The following AFF3 variants were observed in gnomAD, a reference collection of about 807,000 sequenced individuals.
The protein encoded by AFF3 is AF4/FMR2 family member 3.
AFF3 carries 32 observed loss-of-function variants against 129.7 expected under a neutral mutation model. The ratio of observed to expected loss-of-function variants is 0.25; its 90% CI spans 0.19 to 0.33. The LOEUF (loss-of-function observed/expected upper bound fraction) is 0.33. Among genes scored for constraint, AFF3 ranks in the 10% least tolerant of loss-of-function variants. The pLI is 1.00. For missense variants in AFF3, 1,373 were observed against 1,592.0 expected (o/e 0.86, Z 2.34); for synonymous variants, 644 against 635.4 (o/e 1.01, Z -0.20).
chr2:99,611,317 T>C (rs1304030403), intron 13 of AFF3, among the ~76,000 whole-genome samples: 1 of 152,190 alleles, frequency 6.6e-6, no homozygotes, highest in Non-Finnish European at 1.5e-5. Context: ...CTGTGGATTG[T>C]CTTTTCTCAT....
chr2:99,660,088 G>A (rs1032792322), intron 12 of AFF3, among the ~76,000 whole-genome samples: 10 of 152,102 alleles, frequency 6.6e-5, no homozygotes, highest in Non-Finnish European at 1.0e-4. Flanking sequence ...TTCCTATTTT[G>A]TTCAGTTTGC....
At chr2:99,608,270 T>C (rs1334155689) in intron 13 of AFF3, among the ~76,000 whole-genome samples, 1 of 152,202 alleles carries the variant, frequency 6.6e-6, no homozygotes, top group African/African-American at 2.4e-5. Flanking sequence ...CTACTCCCTC[T>C]GCAGGACTGA....
intron 2 of AFF3, chr2:100,105,829 G>C (rs1425655010): frequency 7.4e-7 from 1 of 1,344,424 alleles, no homozygotes; most frequent in African/African-American, 1.5e-5. Context: ...AGAATTCCTA[G>C]AGAGCAGCTC....
chr2:99,802,332 C>T (rs1199772729), intron 8 of AFF3, among the ~76,000 whole-genome samples: 2 of 152,172 alleles, frequency 1.3e-5, no homozygotes, highest in Admixed American at 6.5e-5. Flanking sequence ...TTCAAGTGAT[C>T]ATGAAGTCTG....
At chr2:100,028,177 G>GT (rs1308110277) in intron 4 of AFF3, among the ~76,000 whole-genome samples, 1 of 152,160 alleles carries the variant, frequency 6.6e-6, no homozygotes, top group African/African-American at 2.4e-5. Flanking sequence ...GGTGACAGTG[G>GT]TGTCTCCCAG....
chr2:100,106,415 T>C, intron 2 of AFF3: 1 of 1,048,868 alleles, frequency 9.5e-7, no homozygotes, highest in Non-Finnish European at 1.2e-6. Context: ...CAAATCCCAA[T>C]GCACAGTGTA....
intron 10 of AFF3, among the ~76,000 whole-genome samples, chr2:99,735,385 GT>G (rs908847516): frequency 1.8e-4 from 26 of 141,808 alleles, no homozygotes; most frequent in Admixed American, 2.1e-4. Context: ...TTCTGCTTTT[GT>G]TTTTTTTTTG....
chr2:99,720,698 G>GT (rs987341194), intron 11 of AFF3, among the ~76,000 whole-genome samples: 2 of 152,060 alleles, frequency 1.3e-5, no homozygotes, highest in African/African-American at 2.4e-5. Flanking sequence ...GATACCTTCT[G>GT]TTTTTCATTT....
intron 11 of AFF3, among the ~76,000 whole-genome samples, chr2:99,677,719 C>G (rs549249546): frequency 1.1e-4 from 17 of 152,212 alleles, no homozygotes; most frequent in East Asian, 3.9e-4. Context: ...TGCAGTTTGC[C>G]GAGCACTACC....
chr2:100,036,483 C>A (rs1183294779), intron 4 of AFF3, among the ~76,000 whole-genome samples: 3 of 151,400 alleles, frequency 2.0e-5, no homozygotes, highest in African/African-American at 7.3e-5. Context: ...AAATGAATTC[C>A]AATAAATTAA....
intron 7 of AFF3, among the ~76,000 whole-genome samples, chr2:99,937,037 T>C (rs1674583324): frequency 6.6e-6 from 1 of 152,212 alleles, no homozygotes; most frequent in Non-Finnish European, 1.5e-5. Context: ...GTAGGACCTA[T>C]TTCTTGATGG....
At chr2:99,660,020 C>T (rs1287144979) in intron 12 of AFF3, among the ~76,000 whole-genome samples, 4 of 152,136 alleles carry the variant, frequency 2.6e-5, no homozygotes, top group Admixed American at 1.3e-4. Flanking sequence ...GCCAAGATGG[C>T]GATGTCCATT....
chr2:99,891,237 G>T (rs1576288799), intron 7 of AFF3, among the ~76,000 whole-genome samples: 1 of 152,268 alleles, frequency 6.6e-6, no homozygotes, highest in South Asian at 2.1e-4. Context: ...GTCCTGGATT[G>T]ATTAGGGCAG....
chr2:99,601,342 C>T (rs1255159647), intron 14 of AFF3, 93 bp downstream of exon 14: 3 of 1,388,448 alleles, frequency 2.2e-6, no homozygotes, highest in East Asian at 2.7e-5. Flanking sequence ...AGGGAGGAGA[C>T]CTGCAGCAGT....
At chr2:99,565,849 C>T (rs1675911870) in intron 19 of AFF3, among the ~76,000 whole-genome samples, 1 of 152,180 alleles carries the variant, frequency 6.6e-6, no homozygotes, top group Non-Finnish European at 1.5e-5. Context: ...GTATCAAACC[C>T]ATGTGACAGC....
intron 13 of AFF3, among the ~76,000 whole-genome samples, chr2:99,628,308 T>A (rs1682790725): frequency 6.6e-6 from 1 of 152,228 alleles, no homozygotes; most frequent in African/African-American, 2.4e-5. Context: ...CTAGGCATTT[T>A]ATTCTTTTTG....
At chr2:99,923,186 T>C (rs997469945) in intron 7 of AFF3, among the ~76,000 whole-genome samples, 2 of 152,136 alleles carry the variant, frequency 1.3e-5, no homozygotes, top group Admixed American at 6.6e-5. Context: ...CTAGATAAGA[T>C]ACACCGAGGA....
At chr2:99,905,658 G>T (rs998968861) in intron 7 of AFF3, among the ~76,000 whole-genome samples, 4 of 152,144 alleles carry the variant, frequency 2.6e-5, no homozygotes, top group Non-Finnish European at 4.4e-5. Context: ...AACTATAACA[G>T]ATATTCATGA....
chr2:99,769,976 A>G (rs1031149255), intron 8 of AFF3, among the ~76,000 whole-genome samples: 18 of 152,182 alleles, frequency 1.2e-4, no homozygotes, highest in Non-Finnish European at 2.2e-4. Flanking sequence ...AGTCTTACCC[A>G]AGGCCACTCC....
Sources: gnomAD v4.1 joint callset for allele counts (sites outside exome capture counted in the v4.1 genomes callset) on GRCh38, gnomAD v4.1.1 for gene constraint, MANE v1.5 for transcripts, NCBI Gene and HGNC (gene_info 2026-07-23, HGNC 2026-07-21) for gene names.